The following GRID2 variants were observed in gnomAD, a reference collection of about 807,000 sequenced individuals.
GRID2 encodes the protein glutamate ionotropic receptor delta type subunit 2, also known as glutamate receptor ionotropic, delta-2.
A neutral mutation model predicts 114.8 loss-of-function variants in GRID2; 33 were observed. That is an observed-to-expected ratio of 0.29 (90% CI 0.22 to 0.38). The LOEUF is 0.38. GRID2 is among the 10% of genes least tolerant of loss of function. The probability of loss-of-function intolerance (pLI) is 1.00; values close to 1 mark genes in which losing one functional copy is unlikely to be tolerated. For missense variants in GRID2, 1,184 were observed against 1,257.7 expected (o/e 0.94, Z 0.89); for synonymous variants, 505 against 449.9 (o/e 1.12, Z -1.55).
At chr4:93,472,947 A>C (rs183369549) in intron 11 of GRID2, among the ~76,000 whole-genome samples, 4 of 152,118 alleles carry the variant, frequency 2.6e-5, no homozygotes, top group African/African-American at 9.7e-5. Flanking sequence ...GAGAGAATAA[A>C]CCAGAAACCC....
At chr4:93,483,612 A>G (rs934797125) in intron 11 of GRID2, among the ~76,000 whole-genome samples, 4 of 152,010 alleles carry the variant, frequency 2.6e-5, no homozygotes, top group African/African-American at 7.2e-5. Context: ...GATTTATCAA[A>G]TTTCCCAAAC....
chr4:93,704,197 G>A (rs1214862860), intron 14 of GRID2, among the ~76,000 whole-genome samples: 1 of 152,172 alleles, frequency 6.6e-6, no homozygotes, highest in Non-Finnish European at 1.5e-5. Context: ...TCTAATTGGT[G>A]TGAGATGGTA....
intron 5 of GRID2, among the ~76,000 whole-genome samples, chr4:93,213,643 T>C (rs1234109131): frequency 6.6e-6 from 1 of 152,160 alleles, no homozygotes; most frequent in African/African-American, 2.4e-5. Context: ...TCTGATCCAA[T>C]GGATTTTGAG....
chr4:93,079,318 C>G (rs1408114659), intron 2 of GRID2, among the ~76,000 whole-genome samples: 1 of 151,740 alleles, frequency 6.6e-6, no homozygotes, highest in Non-Finnish European at 1.5e-5. Flanking sequence ...GGAGCTAAAA[C>G]TATAGAGAAT....
chr4:92,966,940 A>G (rs1168483854), intron 2 of GRID2, among the ~76,000 whole-genome samples: 1 of 152,086 alleles, frequency 6.6e-6, no homozygotes, highest in East Asian at 1.9e-4. Flanking sequence ...TTGATCTGAT[A>G]TAGGCACCGT....
At chr4:92,662,983 A>T (rs1483942728) in intron 2 of GRID2, among the ~76,000 whole-genome samples, 1 of 150,168 alleles carries the variant, frequency 6.7e-6, no homozygotes, top group Non-Finnish European at 1.5e-5. Context: ...AGAGAATGAT[A>T]CTGTGCTTTT....
chr4:93,324,593 A>G (rs949880579), intron 8 of GRID2, among the ~76,000 whole-genome samples: 5 of 152,150 alleles, frequency 3.3e-5, no homozygotes, highest in Non-Finnish European at 7.3e-5. Context: ...ATTGATTGGA[A>G]CATTTTCAGA....
At chr4:93,617,986 CT>C (rs113013997) in intron 13 of GRID2, among the ~76,000 whole-genome samples, 7,475 of 152,122 alleles carry the variant, frequency 0.049, 591 homozygotes, top group African/African-American at 0.17. Context: ...ACTACCCCCC[CT>C]AACCTTCTGT....
chr4:92,576,854 T>C (rs1323620845), intron 1 of GRID2, among the ~76,000 whole-genome samples: 1 of 152,132 alleles, frequency 6.6e-6, no homozygotes, highest in East Asian at 1.9e-4. Context: ...CCACCCTGCT[T>C]TTTTTCATTC....
At chr4:92,944,122 C>A (rs769045469) in intron 2 of GRID2, among the ~76,000 whole-genome samples, 3 of 152,204 alleles carry the variant, frequency 2.0e-5, no homozygotes, top group Non-Finnish European at 4.4e-5. Flanking sequence ...CAGACAGGTA[C>A]ATTTAAGTCT....
intron 2 of GRID2, among the ~76,000 whole-genome samples, chr4:92,653,798 G>T (rs1732097719): frequency 6.6e-6 from 1 of 152,036 alleles, no homozygotes; most frequent in Non-Finnish European, 1.5e-5. Context: ...AATTATCAGT[G>T]TGGGCTCATG....
chr4:93,679,081 A>T (rs1725231162), intron 14 of GRID2, among the ~76,000 whole-genome samples: 1 of 151,224 alleles, frequency 6.6e-6, no homozygotes, highest in Non-Finnish European at 1.5e-5. Flanking sequence ...GGATGGAGGA[A>T]GATCTACCAA....
At chr4:92,426,876 T>A (rs1449288754) in intron 1 of GRID2, among the ~76,000 whole-genome samples, 1 of 152,100 alleles carries the variant, frequency 6.6e-6, no homozygotes, top group African/African-American at 2.4e-5. Context: ...TTATCTGACA[T>A]GAAAATCATA....
intron 2 of GRID2, among the ~76,000 whole-genome samples, chr4:92,961,129 C>T (rs1752776148): frequency 6.6e-6 from 1 of 151,810 alleles, no homozygotes; most frequent in African/African-American, 2.4e-5. Flanking sequence ...TTATTCATTT[C>T]ACATATACGT....
At chr4:93,690,969 T>A (rs1181655947) in intron 14 of GRID2, among the ~76,000 whole-genome samples, 1 of 148,938 alleles carries the variant, frequency 6.7e-6, no homozygotes, top group East Asian at 1.9e-4. Flanking sequence ...TATAAATAAG[T>A]CTTTCATTTT....
rs77152165 is a variant in GRID2, at chr4:93,514,155, G to C, written c.1998-1061G>C. Among the ~76,000 whole-genome samples the C allele has an allele frequency of 6.8e-3, 1,036 of 152,202 alleles. 11 individuals carry two copies. The highest frequency in any genetic ancestry group is 0.023 in the African/African-American group (973 of 41,528). On this transcript the variant is annotated intron_variant, in intron 12 of 15. Coordinates refer to ENST00000282020, the MANE Select transcript of GRID2 (RefSeq NM_001510.4). The stretch of plus-strand genomic sequence containing the variant: ...ATTTGTTCTTAAATGTCAGTCATTA[G>C]AGTTGGGCACCTACACAAATTCAAT...
At chr4:92,593,817 A>T (rs1205129671) in intron 2 of GRID2, among the ~76,000 whole-genome samples, 1 of 151,022 alleles carries the variant, frequency 6.6e-6, no homozygotes, top group Non-Finnish European at 1.5e-5. Flanking sequence ...AAGGGCAAAT[A>T]CATTTTCAAA....
At chr4:93,592,947 G>T (rs1264885300) in intron 13 of GRID2, among the ~76,000 whole-genome samples, 1 of 150,962 alleles carries the variant, frequency 6.6e-6, no homozygotes, top group African/African-American at 2.4e-5. Flanking sequence ...GAGCCTATGT[G>T]TGTCTCTGCA....
At chr4:93,782,796 C>CTT (rs112661922) in intron 1 of GRID2, among the ~76,000 whole-genome samples, 142 of 152,200 alleles carry the variant, frequency 9.3e-4, no homozygotes, top group African/African-American at 3.3e-3. Flanking sequence ...TTTAAAATAA[C>CTT]TGTTAAAACC....
Sources: allele counts gnomAD v4.1 joint callset (sites outside exome capture counted in the v4.1 genomes callset), GRCh38; gene constraint gnomAD v4.1.1; transcripts MANE v1.5; gene names NCBI Gene and HGNC (gene_info 2026-07-23, HGNC 2026-07-21).